Variants in C2CD2 observed in about 807,000 individuals in gnomAD.
The protein encoded by C2CD2 is C2 calcium dependent domain containing 2.
In C2CD2, 43 loss-of-function variants were observed where a neutral mutation model predicts 74.3. That is an observed-to-expected ratio of 0.58 (90% confidence interval 0.45 to 0.75). The LOEUF is 0.75. C2CD2 is among the 30% of genes least tolerant of loss of function. The pLI, the probability that C2CD2 is intolerant of heterozygous loss-of-function variation, is 0.00. For synonymous variants in C2CD2, 422 were observed against 390.7 expected (o/e 1.08, Z -0.94); for missense variants, 801 against 916.3 (o/e 0.87, Z 1.63).
rs79717487 is a variant in C2CD2 at position 41,938,551 on chromosome 21, C to A, written c.378+3596G>T. ...CTCTGTCCTCACTAAGCACTAACTCCCCGCTTTCCTCCCCCAAGCACCTGG... is the reference window on the plus strand; with the variant it reads ...CTCTGTCCTCACTAAGCACTAACTCACCGCTTTCCTCCCCCAAGCACCTGG... On this transcript the variant is annotated intron_variant, in intron 2 of 13. Transcript: ENST00000380486. Among the ~76,000 whole-genome samples, 707 of 152,144 alleles carry A rather than the reference C, an allele frequency of 4.6e-3. 4 individuals are homozygous for A. The highest frequency in any genetic ancestry group is 0.016 in the African/African-American group (670 of 41,496).
At chr21:41,949,094 C>G (rs914941466) in intron 1 of C2CD2, among the ~76,000 whole-genome samples, 10 of 151,910 alleles carry the variant, frequency 6.6e-5, no homozygotes, top group African/African-American at 2.4e-4. Context: ...CGCTTCGGGA[C>G]AGGTGCTGCC....
chr21:41,942,261 A>G lies in C2CD2; in HGVS notation c.280-16T>C, dbSNP rs1255936189. The G allele has an allele frequency of 1.9e-6, 3 of 1,540,610 alleles. No homozygotes were observed. The Admixed American group carries it at 5.9e-5, about 30-fold the overall frequency. ...AAGGTGGGCCCTGGAACAGAGGGGC[A>G]GCATGAGGAGGGCATGCACAGGAGG... is the stretch of plus-strand genomic sequence containing the variant. On this transcript the variant is annotated splice_polypyrimidine_tract_variant and intron_variant, in intron 1 of 13. Transcript: ENST00000380486.
At chr21:41,908,042 G>A (rs1274444345) in intron 8 of C2CD2, 14 of 483,222 alleles carry the variant, frequency 2.9e-5, no homozygotes, top group Non-Finnish European at 5.2e-5. Context: ...GGAGTGGAAA[G>A]GTCACTGCTC....
chr21:41,948,290 T>C (rs2065418922), intron 1 of C2CD2, among the ~76,000 whole-genome samples: 1 of 152,024 alleles, frequency 6.6e-6, no homozygotes, highest in African/African-American at 2.4e-5. Context: ...GCCGGCTTTG[T>C]GCTGGGCACT....
In C2CD2 at chr21:41,905,705, G is replaced by A. The variant is rs1363770795; in HGVS notation, c.1432+19C>T. On this transcript the variant is annotated intron_variant, in intron 11 of 13. Transcript: ENST00000380486. ...CAAAGGTGCTAAGAGGGAGAGCGAC[G>A]TGGGCGTGTCTCAGTTACCTGTGTC... 33 of 1,316,856 alleles carry A rather than the reference G, an allele frequency of 2.5e-5. No homozygotes were observed. The highest frequency in any genetic ancestry group is 1.8e-4 in the Middle Eastern group (1 of 5,456). 81.6% of individuals were successfully genotyped at this position (1,316,856 alleles called of 1,614,324 possible).
At chr21:41,933,572 G>A (rs572318238) in intron 2 of C2CD2, among the ~76,000 whole-genome samples, 4 of 152,368 alleles carry the variant, frequency 2.6e-5, no homozygotes, top group Admixed American at 6.5e-5. Context: ...CCCTAAAAAT[G>A]TGTCATGTTT....
intron 6 of C2CD2, among the ~76,000 whole-genome samples, chr21:41,913,072 T>C (rs1364810070): frequency 1.3e-5 from 2 of 152,254 alleles, no homozygotes; most frequent in Non-Finnish European, 2.9e-5. Context: ...AGCACCATTA[T>C]ATACACAGGC....
chr21:41,894,869 G>A (rs1285779799), intron 13 of C2CD2: 1 of 456,622 alleles, frequency 2.2e-6, no homozygotes, highest in Non-Finnish European at 4.4e-6. Flanking sequence ...TGGTTGTGAG[G>A]GTCAAGGCTG....
intron 7 of C2CD2, among the ~76,000 whole-genome samples, chr21:41,910,534 C>T (rs989627242): frequency 2.0e-5 from 3 of 152,144 alleles, no homozygotes; most frequent in African/African-American, 7.2e-5. Flanking sequence ...GATGACCTCT[C>T]CCTTTTGCTG....
intron 1 of C2CD2, among the ~76,000 whole-genome samples, chr21:41,948,730 G>A (rs960286464): frequency 6.6e-6 from 1 of 152,098 alleles, no homozygotes; most frequent in African/African-American, 2.4e-5. Flanking sequence ...CAAGGAGTTT[G>A]GACTTCGTGA....
At chr21:41,947,112 T>TCTC (rs1555906757) in intron 1 of C2CD2, among the ~76,000 whole-genome samples, 2 of 26,210 alleles carry the variant, frequency 7.6e-5, no homozygotes, top group Admixed American at 3.6e-4. Flanking sequence ...CCTTTCTCTT[T>TCTC]TCTCTCTCTC....
At chr21:41,896,707 C>CA (rs71332341) in intron 13 of C2CD2, among the ~76,000 whole-genome samples, 20,738 of 73,708 alleles carry the variant, frequency 0.28, 2,244 homozygotes, top group Non-Finnish European at 0.34. Flanking sequence ...GTTCTTAAAC[C>CA]AAAAAAAAAA....
At chr21:41,941,965 G>A (rs954181208) in intron 2 of C2CD2, 182 bp downstream of exon 2, 3 of 335,046 alleles carry the variant, frequency 9.0e-6, no homozygotes, top group Admixed American at 6.4e-5. Context: ...GCGGAATAAC[G>A]TCCCATTATG....
In C2CD2 at chr21:41,907,859, G is replaced by T. The variant is rs919005534; in HGVS notation, c.1019-75C>A. The T allele has an allele frequency of 5.2e-6, 8 of 1,523,992 alleles. No homozygotes were observed. The Admixed American group carries it at 1.2e-4, about 23-fold the overall frequency. The allele number at this position is 1,523,992 out of a possible 1,614,324, so 94.4% of individuals were successfully genotyped here. A position where few individuals can be genotyped will look rare whatever the true frequency, so the allele number is the denominator to read the frequency against. ...TCCGTGAGGACGGAAAGGCCCACAC[G>T]CCCAGCAGCCGGAACACGCTCCTCC... is the stretch of plus-strand genomic sequence containing the variant. On this transcript the variant is annotated intron_variant, in intron 8 of 13. Transcript: ENST00000380486.
In C2CD2 at chr21:41,945,560, C is replaced by T. The variant is rs2065391465; in HGVS notation, c.280-3315G>A. ...ACAAGAGGCTACTCTCAAAGGAGCACCCTGATGGCCCAAAGGAGAACAACC... is the reference window on the plus strand; with the variant it reads ...ACAAGAGGCTACTCTCAAAGGAGCATCCTGATGGCCCAAAGGAGAACAACC... On this transcript the variant is annotated intron_variant, in intron 1 of 13. Transcript: ENST00000380486. This position sits in a 1 kb window ranked among gnomAD's most constrained non-coding sequence, Gnocchi z 4.2. Among the ~76,000 whole-genome samples, 1 of 151,878 alleles carries T rather than the reference C, an allele frequency of 6.6e-6. No homozygotes were observed. Among genetic ancestry groups the T allele is most frequent in the African/African-American group, 2.4e-5 (1 of 41,384 alleles).
intron 5 of C2CD2, 71 bp from the exon 6 acceptor site, chr21:41,914,792 A>C: frequency 7.3e-7 from 1 of 1,375,750 alleles, no homozygotes; most frequent in Non-Finnish European, 1.0e-6. Flanking sequence ...TAGCCACTGG[A>C]CTCCTGTTAT....
chr21:41,935,439 C>T lies in C2CD2; in HGVS notation c.378+6708G>A, dbSNP rs537348786. Among the ~76,000 whole-genome samples, 9 of 152,248 alleles carry T rather than the reference C, an allele frequency of 5.9e-5. No homozygotes were observed. The East Asian group carries it at 7.7e-4, about 13-fold the overall frequency. ...ACTCGTATTGATTTTATGATAATAG[C>T]GGAATTCCTATGTTTGAGACAGAAT... On this transcript the variant is annotated intron_variant, in intron 2 of 13. Coordinates refer to ENST00000380486, the MANE Select transcript of C2CD2 (RefSeq NM_015500.2).
At chr21:41,910,831 T>C (rs2065018054) in intron 7 of C2CD2, among the ~76,000 whole-genome samples, 1 of 152,252 alleles carries the variant, frequency 6.6e-6, no homozygotes. Flanking sequence ...TTTTAAAATA[T>C]TCATTTCTAC....
chr21:41,922,262 G>A (rs1163542371), intron 2 of C2CD2, among the ~76,000 whole-genome samples, 177 bp from the exon 3 acceptor site: 1 of 151,508 alleles, frequency 6.6e-6, no homozygotes, highest in Non-Finnish European at 1.5e-5. Context: ...CAGCTCAGGC[G>A]ATCTTCCCAC....
Sources: allele counts gnomAD v4.1 joint callset (sites outside exome capture counted in the v4.1 genomes callset), GRCh38; gene constraint gnomAD v4.1.1; non-coding constraint Gnocchi (gnomAD v3.1); transcripts MANE v1.5; gene names NCBI Gene and HGNC (gene_info 2026-07-23, HGNC 2026-07-21).